DAB2IP: variants seen among roughly 807,000 people sequenced by gnomAD.
DAB2IP encodes disabled homolog 2-interacting protein.
Under a neutral mutation model 107.2 loss-of-function variants are expected in DAB2IP, and 28 were observed. The observed-to-expected ratio is 0.26, with a 90% CI of 0.19 to 0.36. DAB2IP has a LOEUF of 0.36. Ranked by LOEUF, DAB2IP falls within the 10% of genes least tolerant of loss-of-function variation. The probability of loss-of-function intolerance (pLI) is 1.00; values close to 1 mark genes in which losing one functional copy is unlikely to be tolerated. For missense variants in DAB2IP, 1,400 were observed against 1,644.7 expected (o/e 0.85, Z 2.57); for synonymous variants, 755 against 706.4 (o/e 1.07, Z -1.09).
chr9:121,764,461 G>A (rs958239409), intron 8 of DAB2IP, among the ~76,000 whole-genome samples: 2 of 152,244 alleles, frequency 1.3e-5, no homozygotes, highest in African/African-American at 4.8e-5. Flanking sequence ...AATCAGTCCC[G>A]GAGAAACTTG....
At chr9:121,691,532 A>C (rs544428799) in intron 2 of DAB2IP, among the ~76,000 whole-genome samples, 3 of 152,254 alleles carry the variant, frequency 2.0e-5, no homozygotes, top group South Asian at 4.2e-4. Context: ...AAAAAAAAAA[A>C]AAAACTATGA....
chr9:121,707,284 G>A (rs567735915), intron 3 of DAB2IP, among the ~76,000 whole-genome samples: 16 of 152,300 alleles, frequency 1.1e-4, no homozygotes, highest in African/African-American at 3.9e-4. Context: ...ACTTTTTAGA[G>A]GTTGCGCAAA....
At chr9:121,654,221 C>T (rs970443733) in intron 1 of DAB2IP, among the ~76,000 whole-genome samples, 11 of 149,546 alleles carry the variant, frequency 7.4e-5, no homozygotes, top group Admixed American at 1.3e-4. Flanking sequence ...AGAAGGAAAA[C>T]GGCTTGGGTA....
chr9:121,636,231 C>A (rs1377736221), intron 1 of DAB2IP, among the ~76,000 whole-genome samples: 3 of 152,056 alleles, frequency 2.0e-5, no homozygotes, highest in African/African-American at 7.2e-5. Flanking sequence ...GGGGGTGGAA[C>A]CAGGGCTGCA....
chr9:121,782,931 T>G lies in DAB2IP; in HGVS notation c.*433T>G. On this transcript the variant is annotated 3_prime_UTR_variant, in exon 16 of 16. Transcript: ENST00000408936. This position sits in a 1 kb window ranked among gnomAD's most constrained non-coding sequence, Gnocchi z 6.1. ...ACACCTGTGGCTTCCCCTCGCCTCC[T>G]TGGGGGGCCCGGGACTCCCTGGCAG... 2.9e-6 allele frequency: 3 copies of G among 1,020,570 alleles called. No individual in the cohort carries two copies. Among genetic ancestry groups the G allele is most frequent in the Non-Finnish European group, 3.5e-6 (3 of 851,334 alleles). The allele number at this position is 1,020,570 out of a possible 1,614,324, so 63.2% of individuals were successfully genotyped here.
chr9:121,773,542 T>C (rs1220480682), intron 12 of DAB2IP, 47 bp downstream of exon 12: 59 of 1,423,716 alleles, frequency 4.1e-5, no homozygotes, highest in Non-Finnish European at 5.3e-5. Flanking sequence ...TGGGCCCAGC[T>C]GGGGCTGTCA....
At chr9:121,748,483 TA>T (rs1207986889) in intron 3 of DAB2IP, among the ~76,000 whole-genome samples, 1 of 152,210 alleles carries the variant, frequency 6.6e-6, no homozygotes, top group Non-Finnish European at 1.5e-5. Flanking sequence ...GAGAACGTCC[TA>T]AAGCTTCCAT....
intron 1 of DAB2IP, among the ~76,000 whole-genome samples, chr9:121,608,172 A>G (rs1036074616): frequency 6.6e-6 from 1 of 152,218 alleles, no homozygotes; most frequent in African/African-American, 2.4e-5. Flanking sequence ...GCAGAGCCCT[A>G]TGGCTCCATT....
At chr9:121,766,578 G>T (rs749697733) in exon 9 of DAB2IP, 4 of 1,613,754 alleles carry the variant, frequency 2.5e-6, no homozygotes, top group Non-Finnish European at 3.4e-6. Context: ...TCAGTGAGCG[G>T]CTCATCAGCG....
At chr9:121,571,226 A>G (rs1427269481) in intron 1 of DAB2IP, among the ~76,000 whole-genome samples, 1 of 152,040 alleles carries the variant, frequency 6.6e-6, no homozygotes, top group African/African-American at 2.4e-5. Context: ...ACGTGTTCAT[A>G]TGTGCACTAC....
intron 1 of DAB2IP, among the ~76,000 whole-genome samples, chr9:121,589,108 G>A (rs1181766907): frequency 6.6e-6 from 1 of 152,000 alleles, no homozygotes; most frequent in Non-Finnish European, 1.5e-5. Context: ...AGTTGGCTCT[G>A]TCCCACCCCC....
At chr9:121,688,114 C>CT (rs1288956139) in intron 2 of DAB2IP, among the ~76,000 whole-genome samples, 1 of 152,152 alleles carries the variant, frequency 6.6e-6, no homozygotes, top group African/African-American at 2.4e-5. Flanking sequence ...GCAGGTCCTC[C>CT]CCTTTCCTGG....
At chr9:121,779,370 GATTT>G (rs1835432113) in intron 14 of DAB2IP, among the ~76,000 whole-genome samples, 1 of 152,150 alleles carries the variant, frequency 6.6e-6, no homozygotes, top group African/African-American at 2.4e-5. Context: ...TGTTTTTACT[GATTT>G]ATTTTCCGCC....
chr9:121,681,600 A>C (rs1279409368), intron 2 of DAB2IP, among the ~76,000 whole-genome samples: 4 of 151,998 alleles, frequency 2.6e-5, no homozygotes. Context: ...TGCCCATTTC[A>C]CAGGTGAGGA....
At chr9:121,621,698 C>A (rs1350417384) in intron 1 of DAB2IP, among the ~76,000 whole-genome samples, 7 of 146,566 alleles carry the variant, frequency 4.8e-5, no homozygotes, top group Non-Finnish European at 7.4e-5. Flanking sequence ...TGCAATGACA[C>A]AATCTTGGCT....
chr9:121,747,343 C>CTT (rs10626616), intron 3 of DAB2IP, among the ~76,000 whole-genome samples: 7,841 of 130,942 alleles, frequency 0.06, 279 homozygotes, highest in Non-Finnish European at 0.066. Flanking sequence ...TCCTTAGATG[C>CTT]TTTTTTTTTT....
chr9:121,768,164 G>GC (rs1345139634), intron 9 of DAB2IP, among the ~76,000 whole-genome samples: 2 of 152,184 alleles, frequency 1.3e-5, no homozygotes, highest in Admixed American at 6.5e-5. Flanking sequence ...TGGAGGAAAA[G>GC]CCGAAGGACA....
chr9:121,653,224 A>AAGACCT (rs1564135886), intron 1 of DAB2IP, among the ~76,000 whole-genome samples: 3 of 121,854 alleles, frequency 2.5e-5, no homozygotes, highest in Admixed American at 7.9e-5. Flanking sequence ...GGGAGTACTA[A>AAGACCT]GCCTTTAGTA....
chr9:121,785,304 A>G (rs1310190041), exon 16 of DAB2IP: 1 of 152,466 alleles, frequency 6.6e-6, no homozygotes, highest in East Asian at 1.9e-4. Flanking sequence ...CTCAGCCACA[A>G]AGCCCCCCAG....
Sources: gnomAD v4.1 joint callset for allele counts (sites outside exome capture counted in the v4.1 genomes callset) on GRCh38, gnomAD v4.1.1 for gene constraint, Gnocchi (gnomAD v3.1) non-coding constraint, MANE v1.5 for transcripts, NCBI Gene and HGNC (gene_info 2026-07-23, HGNC 2026-07-21) for gene names.